The following PTPRK variants were observed in gnomAD, a reference collection of about 807,000 sequenced individuals.
PTPRK encodes the protein receptor-type tyrosine-protein phosphatase kappa.
A neutral mutation model predicts 178.0 loss-of-function variants in PTPRK; 75 were observed. That is an observed-to-expected ratio of 0.42 (90% CI 0.35 to 0.51). The LOEUF is 0.51. PTPRK is among the 20% of genes least tolerant of loss of function. PTPRK has a pLI of 0.02. For missense variants in PTPRK, 1,441 were observed against 1,797.8 expected, an observed-to-expected ratio of 0.80 and a Z score of 3.59; for synonymous variants, 637 against 620.6, an observed-to-expected ratio of 1.03 and a Z score of -0.39.
At chr6:128,253,649 C>T (rs2128290190) in intron 3 of PTPRK, among the ~76,000 whole-genome samples, 1 of 152,288 alleles carries the variant, frequency 6.6e-6, no homozygotes, top group South Asian at 2.1e-4. Flanking sequence ...TTACACATAG[C>T]AGAAGTAGAT....
intron 2 of PTPRK, among the ~76,000 whole-genome samples, chr6:128,352,240 CG>C: frequency 7.3e-6 from 1 of 137,422 alleles, no homozygotes; most frequent in Non-Finnish European, 1.5e-5. Flanking sequence ...GGTGACAGAG[CG>C]AGACTTCATC....
chr6:128,017,802 GTATATATATA>G (rs34836605), intron 13 of PTPRK, among the ~76,000 whole-genome samples: 1,616 of 101,250 alleles, frequency 0.016, 51 homozygotes, highest in African/African-American at 0.05. Context: ...ATATATATGT[GTATATATATA>G]TATATATATA....
intron 1 of PTPRK, among the ~76,000 whole-genome samples, chr6:128,514,427 C>A (rs1187655069): frequency 6.6e-6 from 1 of 151,076 alleles, no homozygotes; most frequent in Non-Finnish European, 1.5e-5. Context: ...TACATACTTA[C>A]ATCTTTCACA....
intron 1 of PTPRK, among the ~76,000 whole-genome samples, chr6:128,487,733 T>C (rs1853162114): frequency 6.6e-6 from 1 of 152,202 alleles, no homozygotes; most frequent in Non-Finnish European, 1.5e-5. Context: ...CCTGCGTCTT[T>C]GGGCCTTCAT....
intron 14 of PTPRK, chr6:128,006,182 T>G (rs952423382): frequency 1.4e-5 from 9 of 657,722 alleles, no homozygotes; most frequent in Admixed American, 1.2e-4. Context: ...AAAATTCATG[T>G]TTTTTTTGCT....
At chr6:128,403,542 G>C (rs1449263477) in intron 1 of PTPRK, among the ~76,000 whole-genome samples, 1 of 151,818 alleles carries the variant, frequency 6.6e-6, no homozygotes, top group Non-Finnish European at 1.5e-5. Flanking sequence ...GTTAGGATTA[G>C]TCATAATGCA....
intron 1 of PTPRK, among the ~76,000 whole-genome samples, chr6:128,401,554 A>G (rs1841019828): frequency 1.3e-5 from 2 of 152,226 alleles, no homozygotes; most frequent in Admixed American, 6.5e-5. Flanking sequence ...AACTGAAGAA[A>G]AATGAAAAGT....
chr6:128,239,794 TTG>T (rs1278649590), intron 5 of PTPRK, among the ~76,000 whole-genome samples: 20 of 152,354 alleles, frequency 1.3e-4, no homozygotes, highest in African/African-American at 4.6e-4. Context: ...ACAGAGAGAA[TTG>T]TGTTTCACCA....
At chr6:128,386,476 G>A (rs1381242816) in intron 2 of PTPRK, among the ~76,000 whole-genome samples, 1 of 152,152 alleles carries the variant, frequency 6.6e-6, no homozygotes, top group East Asian at 1.9e-4. Flanking sequence ...TCATTTGGGT[G>A]ACATAAAAGA....
chr6:128,190,505 T>A (rs963882425), intron 6 of PTPRK, among the ~76,000 whole-genome samples: 9 of 138,310 alleles, frequency 6.5e-5, no homozygotes, highest in East Asian at 6.2e-4. Flanking sequence ...TTTTTTTTTT[T>A]TTTTTTTTTT....
intron 19 of PTPRK, 101 bp downstream of exon 19, chr6:127,992,572 T>G: frequency 1.0e-6 from 1 of 981,454 alleles, no homozygotes; most frequent in South Asian, 1.6e-5. Context: ...AGGGCTGATT[T>G]TTTTGTTACT....
At chr6:128,031,172 T>C (rs1280233417) in intron 13 of PTPRK, among the ~76,000 whole-genome samples, 1 of 152,210 alleles carries the variant, frequency 6.6e-6, no homozygotes, top group Non-Finnish European at 1.5e-5. Context: ...CCTTGAATGC[T>C]CTGACTTCAT....
intron 15 of PTPRK, among the ~76,000 whole-genome samples, chr6:128,004,439 A>G (rs1168736991): frequency 6.6e-6 from 1 of 151,822 alleles, no homozygotes; most frequent in Admixed American, 6.6e-5. Flanking sequence ...CAGCGGAAAT[A>G]TTTTAAAAGC....
intron 1 of PTPRK, among the ~76,000 whole-genome samples, chr6:128,500,364 G>A (rs1004101702): frequency 7.7e-6 from 1 of 129,580 alleles, no homozygotes; most frequent in African/African-American, 3.8e-5. Flanking sequence ...CTGAAAATTT[G>A]GGGGGGGGAG....
chr6:128,208,072 CT>C (rs1807296956), intron 6 of PTPRK, among the ~76,000 whole-genome samples: 1 of 151,944 alleles, frequency 6.6e-6, no homozygotes, highest in Admixed American at 6.6e-5. Flanking sequence ...AAACACCCTG[CT>C]TTACATCTTT....
chr6:128,089,630 G>A, intron 8 of PTPRK, 60 bp downstream of exon 8: 2 of 1,445,386 alleles, frequency 1.4e-6, no homozygotes, highest in Non-Finnish European at 1.9e-6. Context: ...AAATCTTAAA[G>A]TAATCACATT....
At chr6:128,207,314 A>G (rs1262942264) in intron 6 of PTPRK, among the ~76,000 whole-genome samples, 1 of 152,180 alleles carries the variant, frequency 6.6e-6, no homozygotes, top group African/African-American at 2.4e-5. Context: ...TGTGAACTAT[A>G]GTGCCTTTCA....
At chr6:128,177,826 C>T (rs530636653) in intron 7 of PTPRK, among the ~76,000 whole-genome samples, 1 of 151,910 alleles carries the variant, frequency 6.6e-6, no homozygotes, top group South Asian at 2.1e-4. Flanking sequence ...GTCAGTCTGT[C>T]TCTGTCTCTC....
rs548736130 is a variant in PTPRK, at chr6:128,262,884, G to C, written c.496-20282C>G. Among the ~76,000 whole-genome samples, 12 of 132,136 alleles carry C rather than the reference G, an allele frequency of 9.1e-5. No individual in the cohort carries two copies. The South Asian group carries it at 2.0e-3, about 22-fold the overall frequency. The allele number at this position is 132,136 out of a possible 152,430, so 86.7% of individuals were successfully genotyped here. ...AAAAAAAAAAAAAAAAAGTCTAAGT[G>C]CTTTACATTCTAGATAATTCATAAA... On this transcript the variant is annotated intron_variant, in intron 3 of 29. Transcript: ENST00000368226.
Sources: gnomAD v4.1 joint callset for allele counts (sites outside exome capture counted in the v4.1 genomes callset) on GRCh38, gnomAD v4.1.1 for gene constraint, MANE v1.5 for transcripts, NCBI Gene and HGNC (gene_info 2026-07-23, HGNC 2026-07-21) for gene names.